RB1CC1: variants seen among roughly 807,000 people sequenced by gnomAD.
RB1CC1 encodes RB1 inducible coiled-coil 1, also known as RB1-inducible coiled-coil protein 1.
Under a neutral mutation model 177.5 loss-of-function variants are expected in RB1CC1, and 46 were observed. The ratio of observed to expected loss-of-function variants is 0.26; its 90% CI spans 0.20 to 0.33. RB1CC1 has a LOEUF of 0.33. Ranked by LOEUF, RB1CC1 falls within the 10% of genes least tolerant of loss-of-function variation. The probability of loss-of-function intolerance (pLI) is 1.00; values close to 1 mark genes in which losing one functional copy is unlikely to be tolerated. For synonymous variants in RB1CC1, 666 were observed against 613.6 expected (o/e 1.09, Z -1.26); for missense variants, 1,703 against 1,816.3 (o/e 0.94, Z 1.13).
chr8:52,640,231 T>A (rs1047593684), intron 18 of RB1CC1, among the ~76,000 whole-genome samples: 1 of 152,144 alleles, frequency 6.6e-6, no homozygotes, highest in Non-Finnish European at 1.5e-5. Context: ...AGAATAGTGG[T>A]TACCAGAGGC....
chr8:52,658,267 TG>T (rs1851261066), intron 13 of RB1CC1, 143 bp from the exon 14 acceptor site: 2 of 1,053,848 alleles, frequency 1.9e-6, no homozygotes, highest in Non-Finnish European at 2.7e-6. Context: ...TTAAGAAGTT[TG>T]TGTCATAATC....
At chr8:52,678,190 G>A (rs1302882977) in intron 5 of RB1CC1, among the ~76,000 whole-genome samples, 1 of 152,060 alleles carries the variant, frequency 6.6e-6, no homozygotes, top group Non-Finnish European at 1.5e-5. Context: ...AGGCTGAGGC[G>A]GGCGATCACC....
intron 18 of RB1CC1, among the ~76,000 whole-genome samples, chr8:52,641,640 T>TG (rs201924270): frequency 0.011 from 1,724 of 152,198 alleles, 29 homozygotes; most frequent in African/African-American, 0.038. Context: ...TCATCTCACA[T>TG]GGGGGTGTAG....
intron 1 of RB1CC1, among the ~76,000 whole-genome samples, chr8:52,706,038 T>TA (rs1856511871): frequency 6.6e-6 from 1 of 152,132 alleles, no homozygotes; most frequent in South Asian, 2.1e-4. Flanking sequence ...ATCAATTTAA[T>TA]AGCAATCTTT....
At chr8:52,688,141 T>C (rs1272895971) in intron 1 of RB1CC1, among the ~76,000 whole-genome samples, 1 of 152,138 alleles carries the variant, frequency 6.6e-6, no homozygotes, top group Non-Finnish European at 1.5e-5. Flanking sequence ...TTGTAAAACA[T>C]GTGTGTTTGA....
rs925042340 is a variant in RB1CC1, at chr8:52,692,550, T to C, written c.-166-5583A>G. On this transcript the variant is annotated intron_variant, in intron 1 of 23. Coordinates refer to ENST00000025008, the MANE Select transcript of RB1CC1 (RefSeq NM_014781.5). ...CCGCATCATTCATATGACAAAACTA[T>C]GGCTCAAAGAAGTTATTTCCTAAAG... Among the ~76,000 whole-genome samples, 17 of 152,112 alleles carry C rather than the reference T, an allele frequency of 1.1e-4. No individual in the cohort carries two copies. The East Asian group carries it at 1.2e-3, about 10-fold the overall frequency.
At chr8:52,684,990 C>A (rs536178745) in intron 3 of RB1CC1, among the ~76,000 whole-genome samples, 26 of 145,754 alleles carry the variant, frequency 1.8e-4, no homozygotes, top group African/African-American at 6.2e-4. Flanking sequence ...TTAAGACTTG[C>A]CATTATGTGA....
intron 2 of RB1CC1, 44 bp downstream of exon 2, chr8:52,686,809 G>T: frequency 2.7e-6 from 1 of 367,098 alleles, no homozygotes; most frequent in Non-Finnish European, 5.3e-6. Flanking sequence ...TATTTTAAAG[G>T]CAATAGATTA....
At chr8:52,687,532 T>C (rs1264391204) in intron 1 of RB1CC1, among the ~76,000 whole-genome samples, 1 of 152,192 alleles carries the variant, frequency 6.6e-6, no homozygotes, top group Non-Finnish European at 1.5e-5. Flanking sequence ...ATAACTCCCA[T>C]CTTGCCAGCT....
At chr8:52,659,485 T>A (rs1006395017) in intron 12 of RB1CC1, among the ~76,000 whole-genome samples, 24 of 152,164 alleles carry the variant, frequency 1.6e-4, no homozygotes, top group African/African-American at 4.8e-4. Context: ...AACCGGTAAA[T>A]CCTACCAATT....
At position 52,709,720 on chromosome 8, in the gene RB1CC1, G is replaced by A. The variant is rs540888404; in HGVS notation, c.-167+4355C>T. 2.6e-5 allele frequency among the ~76,000 whole-genome samples: 4 copies of A among 152,298 alleles called. No individual in the cohort carries two copies. In the South Asian group the frequency reaches 6.2e-4, roughly 24 times the overall value. ...ACCATTGCCTGTCGCCTGCCTGGGC[G>A]ACAAAGTAAGACTCTGCCTTAAAAA... On this transcript the variant is annotated intron_variant, in intron 1 of 23. Transcript: ENST00000025008.
At chr8:52,662,304 T>G (rs575764392) in intron 8 of RB1CC1, among the ~76,000 whole-genome samples, 1 of 152,030 alleles carries the variant, frequency 6.6e-6, no homozygotes, top group East Asian at 1.9e-4. Flanking sequence ...AGAAAAACAT[T>G]TTTTCTGTTT....
Position 52,629,094 on chromosome 8 carries a change from T to C in RB1CC1, c.4500-926A>G, listed in dbSNP as rs1848587822. Reference sequence around the variant, plus strand: ...AACATTAATGAACGGCCCATTGACATGACATACAGCTGGTAAAGACAGATA... The same window carrying C: ...AACATTAATGAACGGCCCATTGACACGACATACAGCTGGTAAAGACAGATA... On this transcript the variant is annotated intron_variant, in intron 21 of 23. Transcript: ENST00000025008. 2.0e-5 allele frequency among the ~76,000 whole-genome samples: 3 copies of C among 152,100 alleles called. No homozygotes were observed. The South Asian group carries it at 6.2e-4, about 31-fold the overall frequency.
chr8:52,647,379 C>A (rs981555275), intron 15 of RB1CC1, among the ~76,000 whole-genome samples: 1 of 152,014 alleles, frequency 6.6e-6, no homozygotes, highest in Non-Finnish European at 1.5e-5. Context: ...AATATATATT[C>A]CATAATATAA....
At chr8:52,699,866 A>ACAC (rs1563465688) in intron 1 of RB1CC1, among the ~76,000 whole-genome samples, 6 of 135,568 alleles carry the variant, frequency 4.4e-5, no homozygotes, top group African/African-American at 1.6e-4. Flanking sequence ...TATACACACA[A>ACAC]AAACAAAAGA....
intron 12 of RB1CC1, among the ~76,000 whole-genome samples, 174 bp downstream of exon 12, chr8:52,660,422 C>T (rs912038208): frequency 2.6e-5 from 4 of 152,160 alleles, no homozygotes; most frequent in Non-Finnish European, 5.9e-5. Context: ...ATTATGAATA[C>T]AAATATCAAT....
At chr8:52,707,432 C>CTTTTT (rs386412758) in intron 1 of RB1CC1, among the ~76,000 whole-genome samples, 13 of 128,836 alleles carry the variant, frequency 1.0e-4, no homozygotes, top group Non-Finnish European at 1.8e-4. Flanking sequence ...TTCTTTCTTT[C>CTTTTT]TTTTTTTTTT....
chr8:52,693,804 G>GC (rs1206331103), intron 1 of RB1CC1, among the ~76,000 whole-genome samples: 2 of 152,134 alleles, frequency 1.3e-5, no homozygotes, highest in Non-Finnish European at 1.5e-5. Flanking sequence ...AGGAGGGACA[G>GC]CATCAGGAAG....
intron 8 of RB1CC1, among the ~76,000 whole-genome samples, chr8:52,662,591 A>G (rs995580858): frequency 8.5e-5 from 13 of 152,178 alleles, no homozygotes; most frequent in East Asian, 7.7e-4. Flanking sequence ...TGCTGTATTG[A>G]TACTGTAAAT....
Sources: gnomAD v4.1 joint callset for allele counts (sites outside exome capture counted in the v4.1 genomes callset) on GRCh38, gnomAD v4.1.1 for gene constraint, MANE v1.5 for transcripts, NCBI Gene and HGNC (gene_info 2026-07-23, HGNC 2026-07-21) for gene names.